The following ASH2L variants were observed in gnomAD, a reference collection of about 807,000 sequenced individuals.
ASH2L encodes the protein set1/Ash2 histone methyltransferase complex subunit ASH2.
ASH2L carries 30 observed loss-of-function variants against 81.1 expected under a neutral mutation model. The ratio of observed to expected loss-of-function variants is 0.37; its 90% confidence interval spans 0.28 to 0.50. The LOEUF (loss-of-function observed/expected upper bound fraction) is 0.50. ASH2L is among the 20% of genes least tolerant of loss of function. ASH2L has a pLI of 0.95. For synonymous variants in ASH2L, 273 were observed against 279.9 expected (o/e 0.98, Z 0.24); for missense variants, 559 against 792.1 (o/e 0.71, Z 3.53).
chr8:38,110,360 T>C lies in ASH2L; in HGVS notation c.402-19T>C. On this transcript the variant is annotated intron_variant, in intron 3 of 15. Coordinates refer to ENST00000343823, the MANE Select transcript of ASH2L (RefSeq NM_004674.5). ...GTGTTCACAAGTTCACTAATTCGTA[T>C]AATTTGGCTCTTCGGCAGATCCTGT... The C allele has an allele frequency of 6.3e-7, 1 of 1,589,442 alleles. No homozygotes were observed. Among genetic ancestry groups the C allele is most frequent in the Non-Finnish European group, 8.6e-7 (1 of 1,157,552 alleles).
intron 2 of ASH2L, 64 bp downstream of exon 2, chr8:38,106,508 T>A: frequency 3.0e-6 from 2 of 672,980 alleles, no homozygotes; most frequent in South Asian, 3.0e-5. Context: ...TTCTTCTTCT[T>A]TTTTTTTTTT....
In ASH2L at chr8:38,106,435, A is replaced by T; in HGVS notation, c.246A>T (p.Lys82Asn). ...TGGAGACAGAATCATCTAATGGAAA[A>T]GATACACTAGTAAGTATTTTTAGTT... is the stretch of plus-strand genomic sequence containing the variant. Reference protein sequence around the residue: ...GGLETESSNGKDTLEGAGDTS... With the variant: ...GGLETESSNGNDTLEGAGDTS... Residue 82 changes from lysine to asparagine, a missense_variant, in exon 2 of 16, where the codon AAA (lysine) becomes AAT (asparagine). Physicochemically the swap from Lys to Asn is moderately conservative, Grantham distance 94. Transcript: ENST00000343823. The T allele has an allele frequency of 6.2e-7, 1 of 1,613,422 alleles. No individual in the cohort carries two copies. Among genetic ancestry groups the T allele is most frequent in the Non-Finnish European group, 8.5e-7 (1 of 1,179,416 alleles).
At chr8:38,114,156 GCAGCAGTAATAGT>G (rs1810800033) in intron 5 of ASH2L, 23 bp from the exon 6 acceptor site, 1 of 1,199,368 alleles carries the variant, frequency 8.3e-7, no homozygotes. Context: ...ATCTTTGATT[GCAGCAGTAATAGT>G]CTTAATTTAT....
At chr8:38,108,985 G>T (rs1177026801) in intron 3 of ASH2L, among the ~76,000 whole-genome samples, 1 of 152,086 alleles carries the variant, frequency 6.6e-6, no homozygotes, top group Admixed American at 6.5e-5. Context: ...AGGAGCTTTA[G>T]GTGGGAGGAT....
At position 38,110,423 on chromosome 8, in the gene ASH2L, T is replaced by C; in HGVS notation, c.446T>C (p.Val149Ala). Residue 149 changes from valine to alanine, a missense_variant, in exon 4 of 16, where the codon GTC becomes GCC. Coordinates refer to ENST00000343823, the MANE Select transcript of ASH2L (RefSeq NM_004674.5). ...FMTNYSFHCNVCHHSGNTYFL... is the reference protein window; with the variant it reads ...FMTNYSFHCNACHHSGNTYFL... ...ACCAACTACAGTTTTCATTGCAACG[T>C]CTGCCATCACAGTGGGAATACCTAT... The C allele has an allele frequency of 6.2e-7, 1 of 1,614,222 alleles. No homozygotes were observed.
chr8:38,107,549 TG>T (rs1810493048), intron 3 of ASH2L, among the ~76,000 whole-genome samples: 4 of 152,222 alleles, frequency 2.6e-5, no homozygotes, highest in African/African-American at 9.6e-5. Context: ...AGATGACCCA[TG>T]CTCTTTATGC....
chr8:38,133,175 A>G (rs1802125754), intron 12 of ASH2L, among the ~76,000 whole-genome samples: 1 of 151,974 alleles, frequency 6.6e-6, no homozygotes, highest in Non-Finnish European at 1.5e-5. Flanking sequence ...GAATTTAGCC[A>G]CTTTTATGGG....
chr8:38,128,663 C>CA, intron 11 of ASH2L, 95 bp from the exon 12 acceptor site: 1 of 1,536,512 alleles, frequency 6.5e-7, no homozygotes, highest in Non-Finnish European at 8.7e-7. Context: ...CAAAATTGAC[C>CA]AAAAAACATA....
Position 38,126,308 on chromosome 8 carries a change from G to T in ASH2L, c.1166-1983G>T, listed in dbSNP as rs1012223260. Among the ~76,000 whole-genome samples, 42 of 152,094 alleles carry T rather than the reference G, an allele frequency of 2.8e-4. 2 individuals are homozygous for T. The highest frequency in any genetic ancestry group is 1.0e-3 in the African/African-American group (42 of 41,400). On this transcript the variant is annotated intron_variant, in intron 10 of 15. Coordinates refer to ENST00000343823, the MANE Select transcript of ASH2L (RefSeq NM_004674.5). ...AAGTGTCAAGCTTATGAAAGGTTGA[G>T]GAACTGTTTGAGATTGGAAGAGGCT...
chr8:38,131,072 A>T (rs917353620), intron 12 of ASH2L, among the ~76,000 whole-genome samples: 10 of 152,138 alleles, frequency 6.6e-5, no homozygotes, highest in African/African-American at 2.4e-4. Context: ...TCCTTTATGC[A>T]TGTATCACAG....
At chr8:38,114,387 C>A in intron 6 of ASH2L, 100 bp downstream of exon 6, 1 of 767,862 alleles carries the variant, frequency 1.3e-6, no homozygotes, top group Middle Eastern at 2.7e-4. Flanking sequence ...AAAATTAGAA[C>A]AACTTAATGT....
intron 13 of ASH2L, among the ~76,000 whole-genome samples, chr8:38,133,964 T>G (rs1802158182): frequency 6.6e-6 from 1 of 152,164 alleles, no homozygotes; most frequent in African/African-American, 2.4e-5. Flanking sequence ...AGACTTCATT[T>G]TGTTCTGTAC....
At chr8:38,128,529 T>A in intron 11 of ASH2L, 71 bp downstream of exon 11, 2 of 1,556,516 alleles carry the variant, frequency 1.3e-6, no homozygotes, top group Non-Finnish European at 1.7e-6. Context: ...GGGCTAAGGC[T>A]TCAAGGCTGT....
At chr8:38,107,543 G>A (rs1467318028) in intron 3 of ASH2L, among the ~76,000 whole-genome samples, 1 of 152,186 alleles carries the variant, frequency 6.6e-6, no homozygotes, top group Non-Finnish European at 1.5e-5. Context: ...AATTTGAGAT[G>A]ACCCATGCTC....
At chr8:38,128,692 T>C (rs1316966748) in intron 11 of ASH2L, 66 bp from the exon 12 acceptor site, 2 of 1,560,392 alleles carry the variant, frequency 1.3e-6, no homozygotes, top group African/African-American at 1.4e-5. Context: ...TAGGATCTTT[T>C]TCCTTCAGCA....
chr8:38,114,815 G>T (rs1319069579), intron 6 of ASH2L, 90 bp from the exon 7 acceptor site: 2 of 817,632 alleles, frequency 2.4e-6, no homozygotes, highest in East Asian at 2.6e-5. Context: ...CTGCACCTAG[G>T]AATTGACTTT....
At chr8:38,107,921 T>C (rs9772892) in intron 3 of ASH2L, among the ~76,000 whole-genome samples, 2,331 of 151,324 alleles carry the variant, frequency 0.015, 58 homozygotes, top group African/African-American at 0.054. Context: ...TATATATATA[T>C]ACATATATAT....
chr8:38,121,115 G>T lies in ASH2L; in HGVS notation c.1131G>T (p.Leu377Phe). The T allele has an allele frequency of 6.2e-7, 1 of 1,613,578 alleles. No homozygotes were observed. Among genetic ancestry groups the T allele is most frequent in the Non-Finnish European group, 8.5e-7 (1 of 1,179,900 alleles). Residue 377 changes from leucine to phenylalanine, a missense_variant, in exon 10 of 16, where the codon TTG (leucine) becomes TTT (phenylalanine). By Grantham distance (22) the Leu-to-Phe change is conservative. Around this residue, in one of 4 missense-constraint regions of ASH2L, gnomAD observed 318 missense variants for 527.0 expected, o/e 0.60. Coordinates refer to ENST00000343823, the MANE Select transcript of ASH2L (RefSeq NM_004674.5). ...CTGGAGACCTCTACAGAGCCTGCTT[G>T]TATGAACGGGTTTTGTTAGCCCTAC... ...PIPGDLYRACLYERVLLALHD... is the reference protein window; with the variant it reads ...PIPGDLYRACFYERVLLALHD...
chr8:38,112,300 CTTTATTTATTTA>C (rs147185198), intron 5 of ASH2L, among the ~76,000 whole-genome samples: 10 of 151,352 alleles, frequency 6.6e-5, no homozygotes, highest in South Asian at 2.1e-4. Flanking sequence ...CACCCAGCCC[CTTTATTTATTTA>C]TTTATTTATT....
Sources: allele counts gnomAD v4.1 joint callset (sites outside exome capture counted in the v4.1 genomes callset), GRCh38; gene constraint gnomAD v4.1.1; regional missense constraint gnomAD v4.1.1; transcripts MANE v1.5; gene names NCBI Gene and HGNC (gene_info 2026-07-23, HGNC 2026-07-21).